Variants in DDX46 observed in about 807,000 individuals in gnomAD.
The protein encoded by DDX46 is probable ATP-dependent RNA helicase DDX46.
In DDX46, 30 loss-of-function variants were observed where a neutral mutation model predicts 134.9. The ratio of observed to expected loss-of-function variants is 0.22; its 90% CI spans 0.17 to 0.30. DDX46 has a LOEUF of 0.30. Among genes scored for constraint, DDX46 ranks in the 10% least tolerant of loss-of-function variants. The pLI is 1.00. For missense variants in DDX46, 622 were observed against 1,248.7 expected, an observed-to-expected ratio of 0.50 and a Z score of 7.56; for synonymous variants, 415 against 404.1, an observed-to-expected ratio of 1.03 and a Z score of -0.32.
chr5:134,814,945 T>C (rs949508423), intron 18 of DDX46, among the ~76,000 whole-genome samples: 2 of 152,126 alleles, frequency 1.3e-5, no homozygotes, highest in Admixed American at 6.6e-5. Flanking sequence ...AGGTAATAAA[T>C]GTTTTAAGAA....
chr5:134,820,241 C>CTTTGTTATTGGTATTTTAAGTGGTT, intron 21 of DDX46, among the ~76,000 whole-genome samples: 1 of 152,158 alleles, frequency 6.6e-6, no homozygotes. Context: ...TATTTAACAT[C>CTTTGTTATTGGTATTTTAAGTGGTT]TTTGTTATTG....
chr5:134,777,904 G>A, intron 6 of DDX46, 179 bp downstream of exon 6: 1 of 616,118 alleles, frequency 1.6e-6, no homozygotes, highest in South Asian at 3.1e-5. Flanking sequence ...AGCTATAAGT[G>A]TTCTTTCAAA....
At chr5:134,760,666 T>C (rs1014779331) in intron 1 of DDX46, among the ~76,000 whole-genome samples, 2 of 152,216 alleles carry the variant, frequency 1.3e-5, no homozygotes, top group Non-Finnish European at 2.9e-5. Flanking sequence ...GTTGGAACTC[T>C]GTGGAGGTGA....
chr5:134,801,729 T>C (rs1479460829), intron 15 of DDX46, among the ~76,000 whole-genome samples: 1 of 152,186 alleles, frequency 6.6e-6, no homozygotes, highest in Non-Finnish European at 1.5e-5. Context: ...TACTGAGTAG[T>C]ATTCATTGTA....
chr5:134,819,864 C>T (rs777214891), intron 21 of DDX46, among the ~76,000 whole-genome samples: 18 of 151,884 alleles, frequency 1.2e-4, no homozygotes, highest in Non-Finnish European at 2.5e-4. Flanking sequence ...TGTTACTCTA[C>T]TGCATAGTAG....
At chr5:134,780,172 GTA>G (rs1209516619) in intron 6 of DDX46, among the ~76,000 whole-genome samples, 1 of 151,122 alleles carries the variant, frequency 6.6e-6, no homozygotes, top group Non-Finnish European at 1.5e-5. Flanking sequence ...ATGTGTATAT[GTA>G]TATGTGTGTA....
At chr5:134,797,167 C>CAGAAAAA (rs1754681170) in intron 15 of DDX46, 1 of 22,272 alleles carries the variant, frequency 4.5e-5, no homozygotes, top group Non-Finnish European at 9.0e-5. Context: ...AACTCCGTCT[C>CAGAAAAA]AAAAAAAAAA....
At chr5:134,769,916 C>T (rs1228473329) in intron 3 of DDX46, among the ~76,000 whole-genome samples, 1 of 152,144 alleles carries the variant, frequency 6.6e-6, no homozygotes, top group South Asian at 2.1e-4. Context: ...CTGCCTTGGC[C>T]TCTCAAAGTG....
At chr5:134,764,405 G>A (rs1753494909) in intron 2 of DDX46, among the ~76,000 whole-genome samples, 1 of 151,724 alleles carries the variant, frequency 6.6e-6, no homozygotes, top group African/African-American at 2.4e-5. Flanking sequence ...GCCTAAGCCT[G>A]CCAAGTAGCT....
intron 14 of DDX46, 142 bp downstream of exon 14, chr5:134,795,156 A>AAG (rs1754613065): frequency 2.1e-6 from 2 of 930,332 alleles, no homozygotes; most frequent in African/African-American, 1.7e-5. Flanking sequence ...TCAGTATTTT[A>AAG]CCAGATAAAC....
intron 15 of DDX46, among the ~76,000 whole-genome samples, chr5:134,800,667 TTTTGTTTG>T (rs559974001): frequency 1.3e-5 from 2 of 151,938 alleles, no homozygotes; most frequent in African/African-American, 2.4e-5. Context: ...TCGTGTGTGT[TTTTGTTTG>T]TTTGTTTGTT....
intron 1 of DDX46, 29 bp downstream of exon 1, chr5:134,758,984 G>T: frequency 6.2e-7 from 1 of 1,607,994 alleles, no homozygotes. Flanking sequence ...CGGGCTAGCG[G>T]GCGAGCGGCT....
chr5:134,775,075 C>T (rs1256987728), intron 5 of DDX46, among the ~76,000 whole-genome samples: 1 of 152,086 alleles, frequency 6.6e-6, no homozygotes, highest in Non-Finnish European at 1.5e-5. Context: ...CCACTTTGGC[C>T]TCCCATAGTG....
At position 134,830,802 on chromosome 5, in the gene DDX46, A is replaced by G. The variant is rs1755718535; in HGVS notation, c.*2096A>G. On this transcript the variant is annotated 3_prime_UTR_variant, in exon 23 of 23. Coordinates refer to ENST00000452510, the MANE Select transcript of DDX46 (RefSeq NM_001300860.2). ...CTAGTTTATTTATTTGCTCATCTTT[A>G]TCACCTAATGGTAGTTTGTTTTCTT... 6.6e-6 allele frequency: 1 copy of G among 152,630 alleles called. No homozygotes were observed. The highest frequency in any genetic ancestry group is 6.5e-5 in the Admixed American group (1 of 15,270). The allele number at this position is 152,630 out of a possible 1,614,324, so 9.5% of individuals were successfully genotyped here. A position where few individuals can be genotyped will look rare whatever the true frequency, so the allele number is the denominator to read the frequency against.
chr5:134,811,049 T>C (rs756249234), intron 16 of DDX46, among the ~76,000 whole-genome samples, 172 bp from the exon 17 acceptor site: 11 of 152,176 alleles, frequency 7.2e-5, no homozygotes, highest in Admixed American at 2.6e-4. Context: ...AACTTGGATA[T>C]TTCACTTTGA....
At chr5:134,774,782 G>A (rs906335331) in intron 5 of DDX46, among the ~76,000 whole-genome samples, 3 of 152,034 alleles carry the variant, frequency 2.0e-5, no homozygotes, top group Non-Finnish European at 2.9e-5. Context: ...CTGCAGCCTC[G>A]ACGTCCTGGG....
intron 15 of DDX46, among the ~76,000 whole-genome samples, chr5:134,800,771 G>C (rs1754802274): frequency 6.6e-6 from 1 of 152,098 alleles, no homozygotes; most frequent in African/African-American, 2.4e-5. Context: ...CGCCTCCCGG[G>C]TTCAAGCGAT....
chr5:134,778,936 G>A (rs1289158368), intron 6 of DDX46, among the ~76,000 whole-genome samples: 1 of 151,774 alleles, frequency 6.6e-6, no homozygotes, highest in African/African-American at 2.4e-5. Context: ...CGCCTTTGTT[G>A]CCTAGGCTAG....
At chr5:134,760,632 T>G (rs1308232314) in intron 1 of DDX46, among the ~76,000 whole-genome samples, 1 of 152,242 alleles carries the variant, frequency 6.6e-6, no homozygotes, top group Non-Finnish European at 1.5e-5. Context: ...CCTAGGTAGA[T>G]ATGTCTGATA....
Sources: allele counts gnomAD v4.1 joint callset (sites outside exome capture counted in the v4.1 genomes callset), GRCh38; gene constraint gnomAD v4.1.1; transcripts MANE v1.5; gene names NCBI Gene and HGNC (gene_info 2026-07-23, HGNC 2026-07-21).